The following ERBIN variants were observed in gnomAD, a reference collection of about 807,000 sequenced individuals.
ERBIN encodes the protein erbb2 interacting protein.
Under a neutral mutation model 158.4 loss-of-function variants are expected in ERBIN, and 60 were observed. That is an observed-to-expected ratio of 0.38 (90% CI 0.31 to 0.47). The LOEUF (loss-of-function observed/expected upper bound fraction) is 0.47. Among genes scored for constraint, ERBIN ranks in the 20% least tolerant of loss-of-function variants. The pLI, the probability that ERBIN is intolerant of heterozygous loss-of-function variation, is 0.99. For missense variants in ERBIN, 1,610 were observed against 1,648.0 expected (o/e 0.98, Z 0.40); for synonymous variants, 594 against 557.2 (o/e 1.07, Z -0.93).
At chr5:65,966,933 TA>T (rs201171686) in intron 1 of ERBIN, among the ~76,000 whole-genome samples, 5 of 151,222 alleles carry the variant, frequency 3.3e-5, no homozygotes, top group African/African-American at 9.7e-5. Flanking sequence ...TTTAAAAAGT[TA>T]AAAAAAAATT....
At chr5:65,937,456 C>T (rs1204144086) in intron 1 of ERBIN, among the ~76,000 whole-genome samples, 1 of 152,108 alleles carries the variant, frequency 6.6e-6, no homozygotes, top group Non-Finnish European at 1.5e-5. Flanking sequence ...TATACTATGT[C>T]AGGATTTTCT....
At position 66,024,417 on chromosome 5, in the gene ERBIN, A is replaced by C. The variant is rs781419818; in HGVS notation, c.784A>C (p.Ser262Arg). 6.2e-7 allele frequency: 1 copy of C among 1,602,258 alleles called. No homozygotes were observed. Among genetic ancestry groups the C allele is most frequent in the African/African-American group, 1.3e-5 (1 of 74,118 alleles). ...CENLQDLLLS[S>R]NSLQQLPETI... The stretch of plus-strand genomic sequence containing the variant: ...AAACCTTCAAGACCTCCTATTATCA[A>C]GCAATTCACTTCAGCAGCTTCCTGA... The change falls in exon 10 of 26, where the codon AGC (serine) becomes CGC (arginine). Residue 262 changes from serine (S) to arginine (R), a missense_variant. Transcript: ENST00000284037.
chr5:65,935,681 T>C (rs1311643815), intron 1 of ERBIN, among the ~76,000 whole-genome samples: 1 of 152,194 alleles, frequency 6.6e-6, no homozygotes, highest in African/African-American at 2.4e-5. Flanking sequence ...AGATAATTGC[T>C]CAATTTCAGT....
chr5:66,004,438 A>G (rs1753365883), intron 4 of ERBIN, among the ~76,000 whole-genome samples: 1 of 151,892 alleles, frequency 6.6e-6, no homozygotes, highest in Non-Finnish European at 1.5e-5. Flanking sequence ...AATCTCCGTC[A>G]CCCAGGCTGC....
chr5:66,025,813 A>C, intron 11 of ERBIN, 35 bp from the exon 12 acceptor site: 1 of 1,313,144 alleles, frequency 7.6e-7, no homozygotes, highest in Non-Finnish European at 1.0e-6. Context: ...GGAAATCTTT[A>C]ACAAATAATA....
intron 1 of ERBIN, among the ~76,000 whole-genome samples, chr5:65,986,963 C>G (rs1467576583): frequency 2.0e-5 from 3 of 152,120 alleles, no homozygotes; most frequent in African/African-American, 7.2e-5. Context: ...TAATCCTCAT[C>G]CTTGTTGACT....
At chr5:66,054,982 T>G (rs748691483) in intron 21 of ERBIN, 31 bp downstream of exon 21, 16 of 1,509,360 alleles carry the variant, frequency 1.1e-5, no homozygotes, top group Non-Finnish European at 1.3e-5. Context: ...CATTATTTTC[T>G]TTATGAACTT....
chr5:65,939,524 T>TTCCCTCTCCCTC (rs1561268183), intron 1 of ERBIN, among the ~76,000 whole-genome samples: 1 of 139,344 alleles, frequency 7.2e-6, no homozygotes. Flanking sequence ...CCCTCTCCCT[T>TTCCCTCTCCCTC]TCCCTCTCCC....
intron 21 of ERBIN, among the ~76,000 whole-genome samples, chr5:66,066,907 T>C (rs1761055022): frequency 6.6e-6 from 1 of 152,234 alleles, no homozygotes; most frequent in African/African-American, 2.4e-5. Flanking sequence ...CAGACCTGTT[T>C]TGAGCTTCAG....
At chr5:66,029,600 T>C (rs182066990) in intron 14 of ERBIN, among the ~76,000 whole-genome samples, 3 of 149,618 alleles carry the variant, frequency 2.0e-5, no homozygotes, top group Admixed American at 6.6e-5. Context: ...CTGTCCTGTC[T>C]TGTCCTGTCC....
intron 9 of ERBIN, 145 bp from the exon 10 acceptor site, chr5:66,024,161 T>C: frequency 3.6e-6 from 2 of 552,234 alleles, no homozygotes; most frequent in Non-Finnish European, 6.2e-6. Flanking sequence ...ACATTTCTAA[T>C]GGCATTTAAA....
chr5:65,958,868 TGTAA>T (rs1747599069), intron 1 of ERBIN, among the ~76,000 whole-genome samples: 1 of 152,160 alleles, frequency 6.6e-6, no homozygotes. Context: ...TGCAGGGTAA[TGTAA>T]GTGTTCTGAG....
At chr5:65,982,310 A>G (rs1750744969) in intron 1 of ERBIN, among the ~76,000 whole-genome samples, 1 of 152,150 alleles carries the variant, frequency 6.6e-6, no homozygotes, top group South Asian at 2.1e-4. Context: ...AGTATAAGCA[A>G]ATCTTTTCTG....
chr5:65,974,865 G>A (rs1749685202), intron 1 of ERBIN, among the ~76,000 whole-genome samples: 2 of 152,216 alleles, frequency 1.3e-5, no homozygotes, highest in African/African-American at 4.8e-5. Flanking sequence ...AGGAAACTGA[G>A]GTTTGACCAG....
At chr5:66,023,764 C>T (rs902835223) in intron 9 of ERBIN, among the ~76,000 whole-genome samples, 6 of 151,704 alleles carry the variant, frequency 4.0e-5, no homozygotes, top group African/African-American at 7.3e-5. Context: ...CGAGCTCCGC[C>T]TCCTGGGTTC....
At position 66,044,246 on chromosome 5, in the gene ERBIN, A is replaced by G. The variant is rs780551429; in HGVS notation, c.1538A>G (p.Asp513Gly). The G allele has an allele frequency of 2.4e-5, 39 of 1,611,770 alleles. No individual in the cohort carries two copies. Among genetic ancestry groups the G allele is most frequent in the Non-Finnish European group, 3.3e-5 (39 of 1,179,204 alleles). The change falls in exon 17 of 26, where the codon GAC (aspartate) becomes GGC (glycine). Residue 513 changes from aspartate to glycine, a missense_variant. This residue lies in a region of ERBIN where 596 missense variants were observed against 711.9 expected (regional missense o/e 0.84). Coordinates refer to ENST00000284037, the MANE Select transcript of ERBIN (RefSeq NM_001253697.2). ...TTAAAAGATGAAGAGACCAATGAAG[A>G]CTCAGGAAGAGATTTGAAACCACAT... ...HRLKDEETNEDSGRDLKPHED... is the reference protein window; with the variant it reads ...HRLKDEETNEGSGRDLKPHED...
At chr5:65,997,634 G>A (rs448454) in intron 4 of ERBIN, among the ~76,000 whole-genome samples, 106,750 of 152,020 alleles carry the variant, frequency 0.7, 39,735 homozygotes, top group Non-Finnish European at 0.84. Flanking sequence ...TTCACTAAAC[G>A]CTAAATACTG....
chr5:66,045,227 A>G (rs948771748), intron 17 of ERBIN, among the ~76,000 whole-genome samples: 20 of 152,048 alleles, frequency 1.3e-4, no homozygotes, highest in African/African-American at 4.8e-4. Context: ...TCAAAAAAAG[A>G]AAAAATGTGT....
intron 10 of ERBIN, among the ~76,000 whole-genome samples, chr5:66,025,006 C>T (rs990632498): frequency 1.3e-5 from 2 of 152,030 alleles, no homozygotes; most frequent in African/African-American, 4.8e-5. Flanking sequence ...AAGTTTGTTA[C>T]GATTCTACTC....
Sources: allele counts gnomAD v4.1 joint callset (sites outside exome capture counted in the v4.1 genomes callset), GRCh38; gene constraint gnomAD v4.1.1; regional missense constraint gnomAD v4.1.1; transcripts MANE v1.5; gene names NCBI Gene and HGNC (gene_info 2026-07-23, HGNC 2026-07-21).